The following PLD5 variants were observed in gnomAD, a reference collection of about 807,000 sequenced individuals.
PLD5 encodes inactive phospholipase D5.
Under a neutral mutation model 61.1 loss-of-function variants are expected in PLD5, and 36 were observed. The observed-to-expected ratio is 0.59, with a 90% CI of 0.45 to 0.78. The LOEUF (loss-of-function observed/expected upper bound fraction) is 0.78. Among genes scored for constraint, PLD5 ranks in the 30% least tolerant of loss-of-function variants. The probability of loss-of-function intolerance (pLI) is 0.00; values close to 1 mark genes in which losing one functional copy is unlikely to be tolerated. For missense variants in PLD5, 515 were observed against 644.4 expected (o/e 0.80, Z 2.17); for synonymous variants, 243 against 242.8 (o/e 1.00, Z -0.01).
At chr1:242,114,605 C>T (rs1189503127) in intron 6 of PLD5, among the ~76,000 whole-genome samples, 1 of 152,216 alleles carries the variant, frequency 6.6e-6, no homozygotes, top group African/African-American at 2.4e-5. Flanking sequence ...GCCGCTCCCC[C>T]TTGCTCGCGT....
chr1:242,409,683 A>G (rs10803043), intron 1 of PLD5, among the ~76,000 whole-genome samples: 66,378 of 152,040 alleles, frequency 0.44, 15,871 homozygotes, highest in African/African-American at 0.64. Flanking sequence ...TGGAGAAGGC[A>G]GTGGCTGATT....
At chr1:242,104,364 C>G (rs1034947927) in intron 8 of PLD5, among the ~76,000 whole-genome samples, 1 of 149,920 alleles carries the variant, frequency 6.7e-6, no homozygotes, top group African/African-American at 2.5e-5. Context: ...GAACTCTTGG[C>G]CTCAAGTGAT....
At chr1:242,409,065 CAAAA>C (rs376493644) in intron 1 of PLD5, among the ~76,000 whole-genome samples, 41 of 138,992 alleles carry the variant, frequency 2.9e-4, no homozygotes, top group African/African-American at 1.2e-3. Context: ...AGACTCCTCT[CAAAA>C]AAAAAAGAAA....
chr1:242,403,745 C>T (rs961081972), intron 1 of PLD5, among the ~76,000 whole-genome samples: 1 of 152,068 alleles, frequency 6.6e-6, no homozygotes, highest in Non-Finnish European at 1.5e-5. Context: ...TTTTGAGAGG[C>T]CTCCCACATG....
intron 5 of PLD5, among the ~76,000 whole-genome samples, chr1:242,170,429 G>T (rs1666663790): frequency 1.3e-5 from 2 of 152,152 alleles, no homozygotes; most frequent in Admixed American, 1.3e-4. Context: ...ACCAAAGGTA[G>T]ATAAATCCAT....
intron 1 of PLD5, among the ~76,000 whole-genome samples, chr1:242,359,300 T>A (rs940442538): frequency 1.3e-5 from 2 of 152,148 alleles, no homozygotes; most frequent in Non-Finnish European, 2.9e-5. Context: ...TCACCTCTCT[T>A]TTTTGACTGT....
chr1:242,502,043 T>C (rs1467866896), intron 1 of PLD5, among the ~76,000 whole-genome samples: 1 of 152,074 alleles, frequency 6.6e-6, no homozygotes, highest in Non-Finnish European at 1.5e-5. Context: ...CAGTTTCTTG[T>C]TAATCTTATC....
At chr1:242,439,579 G>A (rs1032266443) in intron 1 of PLD5, among the ~76,000 whole-genome samples, 7 of 152,294 alleles carry the variant, frequency 4.6e-5, no homozygotes, top group African/African-American at 1.7e-4. Flanking sequence ...GAATAAATGT[G>A]AGGGAAGCCA....
chr1:242,463,175 A>G (rs571279090), intron 1 of PLD5, among the ~76,000 whole-genome samples: 1 of 152,288 alleles, frequency 6.6e-6, no homozygotes, highest in South Asian at 2.1e-4. Flanking sequence ...TAGGATTGGC[A>G]ATCCATTGAT....
intron 9 of PLD5, among the ~76,000 whole-genome samples, chr1:242,091,872 G>T (rs1659862084): frequency 1.4e-5 from 2 of 146,950 alleles, no homozygotes; most frequent in Non-Finnish European, 3.0e-5. Flanking sequence ...CTGTCGCCCA[G>T]GCTGGAATGC....
chr1:242,310,870 A>G (rs1676658530), intron 2 of PLD5, among the ~76,000 whole-genome samples: 1 of 152,162 alleles, frequency 6.6e-6, no homozygotes, highest in East Asian at 1.9e-4. Flanking sequence ...AAGGTAGCAG[A>G]GTCTGGTTTT....
At chr1:242,369,133 T>C (rs1163994993) in intron 1 of PLD5, among the ~76,000 whole-genome samples, 1 of 152,206 alleles carries the variant, frequency 6.6e-6, no homozygotes, top group East Asian at 1.9e-4. Flanking sequence ...AATGTAGGAC[T>C]GTCAATATTC....
chr1:242,478,855 A>G (rs1667679721), intron 1 of PLD5, among the ~76,000 whole-genome samples: 1 of 152,238 alleles, frequency 6.6e-6, no homozygotes, highest in African/African-American at 2.4e-5. Flanking sequence ...TTGCTACAGC[A>G]ATATTCAAAC....
At chr1:242,144,393 G>A (rs1358449944) in intron 5 of PLD5, among the ~76,000 whole-genome samples, 3 of 152,102 alleles carry the variant, frequency 2.0e-5, no homozygotes, top group Non-Finnish European at 2.9e-5. Flanking sequence ...AAAGAAACTA[G>A]AAGCAGAGTG....
rs117385616 is a variant in PLD5, at chr1:242,492,091, T to G, written c.189+31997A>C. Among the ~76,000 whole-genome samples the G allele has an allele frequency of 3.9e-4, 60 of 152,336 alleles. No individual in the cohort carries two copies. The East Asian group carries it at 0.011, about 27-fold the overall frequency. The stretch of plus-strand genomic sequence containing the variant: ...CCTCATAGTCTACTAATTTTTAGTA[T>G]AGCAAACAGTCTCTTATGAGGGTGT... On this transcript the variant is annotated intron_variant, in intron 1 of 9. Coordinates refer to ENST00000536534, the MANE Select transcript of PLD5 (RefSeq NM_001372062.1).
At chr1:242,385,051 A>G (rs1662521511) in intron 1 of PLD5, among the ~76,000 whole-genome samples, 1 of 152,250 alleles carries the variant, frequency 6.6e-6, no homozygotes. Flanking sequence ...ACATGTCAAA[A>G]GGATCCAAGA....
intron 2 of PLD5, among the ~76,000 whole-genome samples, chr1:242,307,893 TATCA>T (rs1315902574): frequency 6.6e-6 from 1 of 152,148 alleles, no homozygotes; most frequent in Admixed American, 6.6e-5. Context: ...CAGGAGCTGT[TATCA>T]ATCCTTCAAA....
chr1:242,094,017 C>A (rs988770392), intron 9 of PLD5, among the ~76,000 whole-genome samples: 1 of 152,044 alleles, frequency 6.6e-6, no homozygotes, highest in Non-Finnish European at 1.5e-5. Flanking sequence ...ATTCCTGCAC[C>A]TTTGTGATCA....
chr1:242,331,828 G>A (rs1383758218), intron 2 of PLD5, among the ~76,000 whole-genome samples: 1 of 152,140 alleles, frequency 6.6e-6, no homozygotes, highest in South Asian at 2.1e-4. Flanking sequence ...ATCCTAGAGT[G>A]CCCTGTGCAT....
Sources: allele counts gnomAD v4.1 joint callset (sites outside exome capture counted in the v4.1 genomes callset), GRCh38; gene constraint gnomAD v4.1.1; transcripts MANE v1.5; gene names NCBI Gene and HGNC (gene_info 2026-07-23, HGNC 2026-07-21).